GPM6A: variants seen among roughly 807,000 people sequenced by gnomAD.
The protein encoded by GPM6A is neuronal membrane glycoprotein M6-a.
In GPM6A, 7 loss-of-function variants were observed where a neutral mutation model predicts 32.1. The observed-to-expected ratio is 0.22, with a 90% CI of 0.12 to 0.41. GPM6A has a LOEUF of 0.41. Ranked by LOEUF, GPM6A falls within the 10% of genes least tolerant of loss-of-function variation. The probability of loss-of-function intolerance (pLI) is 1.00; values close to 1 mark genes in which losing one functional copy is unlikely to be tolerated. For missense variants in GPM6A, 235 were observed against 347.2 expected (o/e 0.68, Z 2.57); for synonymous variants, 130 against 123.4 (o/e 1.05, Z -0.35).
chr4:175,948,396 G>C (rs1182379521), intron 1 of GPM6A, among the ~76,000 whole-genome samples: 1 of 152,134 alleles, frequency 6.6e-6, no homozygotes, highest in Non-Finnish European at 1.5e-5. Flanking sequence ...TGTGGGCCGG[G>C]AGGAGGGCCC....
chr4:175,676,544 C>T (rs762236288), intron 2 of GPM6A, among the ~76,000 whole-genome samples: 3 of 152,118 alleles, frequency 2.0e-5, no homozygotes, highest in African/African-American at 7.2e-5. Context: ...AACCATAGTT[C>T]GAAACCAGCC....
chr4:175,639,718 GT>G (rs987958736), intron 6 of GPM6A, among the ~76,000 whole-genome samples: 4 of 151,030 alleles, frequency 2.6e-5, no homozygotes, highest in African/African-American at 9.7e-5. Flanking sequence ...ACTGACATTT[GT>G]TTTTTTTAAT....
rs142659546 is a variant in GPM6A at position 175,757,277 on chromosome 4, C to T, written c.37+54914G>A. On this transcript the variant is annotated intron_variant, in intron 1 of 6. Coordinates refer to ENST00000393658, the MANE Select transcript of GPM6A (RefSeq NM_201591.3). ...TGAGGACTCCCCCTGAGAGCCAGCACCAGCCATGAGCAGGTGAATGAATCA... is the reference window on the plus strand; with the variant it reads ...TGAGGACTCCCCCTGAGAGCCAGCATCAGCCATGAGCAGGTGAATGAATCA... 1.1e-3 allele frequency among the ~76,000 whole-genome samples: 166 copies of T among 152,130 alleles called. 1 individual carries two copies. Among genetic ancestry groups the T allele is most frequent in the Admixed American group, 8.1e-3 (124 of 15,278 alleles).
chr4:175,837,335 G>A (rs1735800352), intron 1 of GPM6A, among the ~76,000 whole-genome samples: 1 of 152,152 alleles, frequency 6.6e-6, no homozygotes, highest in East Asian at 1.9e-4. Context: ...CACTGGAACT[G>A]TAAGGCAATG....
At position 176,000,130 on chromosome 4, in the gene GPM6A, C is replaced by T. The variant is rs189508125; in HGVS notation, c.-23+2179G>A. On this transcript the variant is annotated intron_variant, in intron 1 of 7. Transcript: ENST00000280187. Reference sequence around the variant, plus strand: ...CTGCTCTTTTCTCTATTTCGCTCACCTCTGGCTTCCTCACTTGCTTCCTCT... The same window carrying T: ...CTGCTCTTTTCTCTATTTCGCTCACTTCTGGCTTCCTCACTTGCTTCCTCT... Among the ~76,000 whole-genome samples, 383 of 152,250 alleles carry T rather than the reference C, an allele frequency of 2.5e-3. 3 individuals are homozygous for T. The highest frequency in any genetic ancestry group is 1.5e-3 in the Non-Finnish European group (104 of 68,018).
rs1029772799 is a variant in GPM6A at position 175,737,364 on chromosome 4, G to A, written c.38-35597C>T. 1.1e-4 allele frequency among the ~76,000 whole-genome samples: 17 copies of A among 151,964 alleles called. 1 individual carries two copies. The South Asian group carries it at 1.2e-3, about 11-fold the overall frequency. Reference sequence around the variant, plus strand: ...ATCCTGCACGCCTGTAATCCTGTACGCCTGTAATCCTGCATGCCTGTAATC... The same window carrying A: ...ATCCTGCACGCCTGTAATCCTGTACACCTGTAATCCTGCATGCCTGTAATC... On this transcript the variant is annotated intron_variant, in intron 1 of 6. Transcript: ENST00000393658.
intron 1 of GPM6A, among the ~76,000 whole-genome samples, chr4:175,732,681 C>A (rs1006794568): frequency 2.6e-5 from 4 of 152,026 alleles, no homozygotes; most frequent in African/African-American, 9.7e-5. Flanking sequence ...ATACTTAATA[C>A]CATAACTTAA....
At chr4:175,896,558 T>A (rs975325478) in intron 1 of GPM6A, among the ~76,000 whole-genome samples, 11 of 152,138 alleles carry the variant, frequency 7.2e-5, no homozygotes, top group Non-Finnish European at 1.5e-4. Flanking sequence ...CCCAACACTA[T>A]TTCTTTAAAG....
intron 1 of GPM6A, among the ~76,000 whole-genome samples, chr4:175,730,411 T>A (rs896987479): frequency 2.0e-5 from 3 of 150,602 alleles, no homozygotes; most frequent in Admixed American, 2.0e-4. Context: ...CCCAGCTAAT[T>A]TTTGTATTTT....
chr4:175,747,811 T>C (rs538931373), intron 1 of GPM6A, among the ~76,000 whole-genome samples: 57 of 94,026 alleles, frequency 6.1e-4, no homozygotes, highest in Admixed American at 5.2e-3. Context: ...ATTGATTAAC[T>C]ATTCCTTTCA....
At chr4:175,929,838 G>T (rs1738969893) in intron 1 of GPM6A, among the ~76,000 whole-genome samples, 1 of 152,128 alleles carries the variant, frequency 6.6e-6, no homozygotes, top group African/African-American at 2.4e-5. Flanking sequence ...TTCGGAGATA[G>T]AAACACACAA....
At chr4:175,706,081 T>C (rs1310583430) in intron 1 of GPM6A, among the ~76,000 whole-genome samples, 1 of 152,110 alleles carries the variant, frequency 6.6e-6, no homozygotes, top group Non-Finnish European at 1.5e-5. Flanking sequence ...TTAAAAGAAT[T>C]ATGAGATGTT....
chr4:175,967,167 T>C (rs1554005758), intron 1 of GPM6A, among the ~76,000 whole-genome samples: 1 of 152,176 alleles, frequency 6.6e-6, no homozygotes. Flanking sequence ...ATTAATGTAA[T>C]CCATCACATC....
At chr4:175,659,845 T>C (rs774491198) in intron 3 of GPM6A, among the ~76,000 whole-genome samples, 1 of 152,138 alleles carries the variant, frequency 6.6e-6, no homozygotes, top group Non-Finnish European at 1.5e-5. Context: ...GAATGAACAA[T>C]AGTGTGAATG....
At chr4:175,637,692 A>AAT (rs1740850420) in intron 6 of GPM6A, among the ~76,000 whole-genome samples, 2 of 80,902 alleles carry the variant, frequency 2.5e-5, no homozygotes, top group Non-Finnish European at 4.3e-5. Context: ...TATAATATAT[A>AAT]ATATATTATA....
intron 1 of GPM6A, among the ~76,000 whole-genome samples, chr4:175,838,988 A>G (rs1443694028): frequency 6.6e-6 from 1 of 152,050 alleles, no homozygotes; most frequent in Non-Finnish European, 1.5e-5. Flanking sequence ...ATATATGATA[A>G]TGGATCTGAC....
chr4:175,690,469 G>GT (rs1744234391), intron 2 of GPM6A, among the ~76,000 whole-genome samples: 1 of 152,176 alleles, frequency 6.6e-6, no homozygotes, highest in Admixed American at 6.5e-5. Context: ...GAGGTCAGAA[G>GT]TTTGAAATCA....
At chr4:175,786,632 A>T (rs775748927) in intron 1 of GPM6A, among the ~76,000 whole-genome samples, 25 of 152,210 alleles carry the variant, frequency 1.6e-4, no homozygotes, top group Non-Finnish European at 3.2e-4. Flanking sequence ...TTGAGTCTAG[A>T]CGTTCCCTTC....
chr4:175,723,132 G>C (rs1346279234), intron 1 of GPM6A, among the ~76,000 whole-genome samples: 3 of 152,164 alleles, frequency 2.0e-5, no homozygotes, highest in Non-Finnish European at 4.4e-5. Flanking sequence ...CTAATTTTTA[G>C]TTACAAAAGC....
Sources: gnomAD v4.1 joint callset for allele counts (sites outside exome capture counted in the v4.1 genomes callset) on GRCh38, gnomAD v4.1.1 for gene constraint, MANE v1.5 for transcripts, NCBI Gene and HGNC (gene_info 2026-07-23, HGNC 2026-07-21) for gene names.